Variants in RERE observed in about 807,000 individuals in gnomAD.
RERE encodes arginine-glutamic acid dipeptide repeats.
A neutral mutation model predicts 146.1 loss-of-function variants in RERE; 40 were observed. The observed-to-expected ratio is 0.27, with a 90% confidence interval of 0.21 to 0.36. The LOEUF (loss-of-function observed/expected upper bound fraction) is 0.36. RERE is among the 10% of genes least tolerant of loss of function. The probability of loss-of-function intolerance (pLI) is 1.00; values close to 1 mark genes in which losing one functional copy is unlikely to be tolerated. For missense variants in RERE, 1,933 were observed against 2,138.7 expected (o/e 0.90, Z 1.90); for synonymous variants, 1,003 against 866.0 (o/e 1.16, Z -2.78).
chr1:8,658,012 TG>T (rs769854372), intron 1 of RERE, among the ~76,000 whole-genome samples: 3 of 152,316 alleles, frequency 2.0e-5, no homozygotes, highest in Non-Finnish European at 4.4e-5. Context: ...AGAAAAGTCT[TG>T]AGGTTTTTAA....
chr1:8,358,620 CCGGAGCTCCCGCTCG>C lies in RERE; in HGVS notation c.3900_3914del (p.Leu1304_Glu1308del), dbSNP rs779300628. The stretch of plus-strand genomic sequence containing the variant: ...TCTCCCGCTCTCGGATCTCCCGCTC[CCGGAGCTCCCGCTCG>C]CGGATGGTGGGGTCGACGTTGTAGA... On this transcript the variant is annotated inframe_deletion, in exon 20 of 23. Transcript: ENST00000400908. 1.2e-4 allele frequency: 193 copies of C among 1,591,308 alleles called. No homozygotes were observed. Among genetic ancestry groups the C allele is most frequent in the Non-Finnish European group, 1.3e-4 (151 of 1,169,822 alleles).
chr1:8,518,790 G>A (rs1169882527), intron 7 of RERE, among the ~76,000 whole-genome samples: 5 of 152,108 alleles, frequency 3.3e-5, no homozygotes, highest in Admixed American at 2.0e-4. Context: ...AAAGCCATGC[G>A]AATGTTGTAT....
intron 4 of RERE, among the ~76,000 whole-genome samples, chr1:8,563,667 T>C (rs1169432327): frequency 6.6e-6 from 1 of 152,222 alleles, no homozygotes; most frequent in African/African-American, 2.4e-5. Flanking sequence ...CTCCTGCATA[T>C]ATTTAACTGC....
chr1:8,547,609 AT>A (rs1645880279), intron 6 of RERE, among the ~76,000 whole-genome samples: 3 of 152,218 alleles, frequency 2.0e-5, no homozygotes, highest in Non-Finnish European at 4.4e-5. Context: ...AGAGACAAAA[AT>A]ATCCTTCAAA....
chr1:8,436,431 G>GC (rs1439100066), intron 11 of RERE, among the ~76,000 whole-genome samples: 7 of 152,148 alleles, frequency 4.6e-5, no homozygotes, highest in African/African-American at 9.7e-5. Context: ...CTACATAAAT[G>GC]CCCCTGTAAA....
chr1:8,475,604 C>T (rs1453767453), intron 10 of RERE, among the ~76,000 whole-genome samples: 1 of 151,708 alleles, frequency 6.6e-6, no homozygotes, highest in East Asian at 1.9e-4. Context: ...ATCTCTTGAA[C>T]CCAGGAGGCG....
chr1:8,788,498 G>A (rs1446424170), intron 1 of RERE, among the ~76,000 whole-genome samples: 1 of 151,686 alleles, frequency 6.6e-6, no homozygotes, highest in Non-Finnish European at 1.5e-5. Context: ...CTCAGCAGCT[G>A]GGATTACAGA....
At chr1:8,570,353 A>T (rs1182254147) in intron 4 of RERE, among the ~76,000 whole-genome samples, 1 of 152,044 alleles carries the variant, frequency 6.6e-6, no homozygotes, top group African/African-American at 2.4e-5. Context: ...TAATAAAAAT[A>T]AAAAAATAAA....
chr1:8,665,043 T>C (rs1557467189), intron 1 of RERE, among the ~76,000 whole-genome samples: 1 of 152,122 alleles, frequency 6.6e-6, no homozygotes, highest in Non-Finnish European at 1.5e-5. Flanking sequence ...TGTCTTTCAG[T>C]CTACACCCAG....
At chr1:8,744,769 T>A (rs1264752991) in intron 1 of RERE, among the ~76,000 whole-genome samples, 4 of 152,138 alleles carry the variant, frequency 2.6e-5, no homozygotes, top group Non-Finnish European at 5.9e-5. Context: ...ACAAATAAAA[T>A]ATATGTTCCC....
At chr1:8,439,918 C>CA (rs1440793165) in intron 11 of RERE, among the ~76,000 whole-genome samples, 1 of 151,946 alleles carries the variant, frequency 6.6e-6, no homozygotes, top group African/African-American at 2.4e-5. Context: ...ACTAAAAATA[C>CA]AAAAAATTAG....
intron 1 of RERE, among the ~76,000 whole-genome samples, chr1:8,775,200 C>T (rs1372933042): frequency 6.6e-6 from 1 of 151,868 alleles, no homozygotes; most frequent in Non-Finnish European, 1.5e-5. Flanking sequence ...ACCTTGTGAT[C>T]CACCTGCCTC....
chr1:8,643,959 C>T (rs981484176), intron 2 of RERE, among the ~76,000 whole-genome samples: 1 of 152,228 alleles, frequency 6.6e-6, no homozygotes, highest in African/African-American at 2.4e-5. Context: ...TCTGGTCACA[C>T]TCCTCTTGCC....
intron 1 of RERE, chr1:8,798,766 A>C (rs1216166538): frequency 6.6e-6 from 1 of 151,188 alleles, no homozygotes; most frequent in Non-Finnish European, 1.5e-5. Context: ...ATCTCGGCTC[A>C]CTGCAACCTC....
At chr1:8,551,497 C>T (rs149377236) in intron 6 of RERE, among the ~76,000 whole-genome samples, 9 of 152,170 alleles carry the variant, frequency 5.9e-5, no homozygotes, top group Admixed American at 2.6e-4. Context: ...ATCCCTCCTC[C>T]GCCAACAGGC....
chr1:8,422,362 A>G (rs1403457386), intron 12 of RERE, among the ~76,000 whole-genome samples: 1 of 152,188 alleles, frequency 6.6e-6, no homozygotes, highest in Non-Finnish European at 1.5e-5. Context: ...TCTGCCAATT[A>G]CCAAATTCAA....
intron 12 of RERE, among the ~76,000 whole-genome samples, chr1:8,372,515 T>TGTGTGTGTGTGTGTGTGTGTGTGC (rs1642077699): frequency 6.6e-6 from 1 of 150,726 alleles, no homozygotes; most frequent in Non-Finnish European, 1.5e-5. Flanking sequence ...GTCGTGTGTG[T>TGTGTGTGTGTGTGTGTGTGTGTGC]GTGTGTGTGT....
At chr1:8,552,152 T>C (rs898057020) in intron 6 of RERE, among the ~76,000 whole-genome samples, 1 of 152,254 alleles carries the variant, frequency 6.6e-6, no homozygotes, top group African/African-American at 2.4e-5. Flanking sequence ...AGGAAAAAGC[T>C]ATAATCTCAC....
At chr1:8,401,037 CCATATATATATATAT>C (rs1337486220) in intron 12 of RERE, among the ~76,000 whole-genome samples, 1 of 5,616 alleles carries the variant, frequency 1.8e-4, no homozygotes, top group African/African-American at 3.6e-4. Context: ...AAAAAAAAAA[CCATATATATATATAT>C]ATATATATAT....
Sources: gnomAD v4.1 joint callset for allele counts (sites outside exome capture counted in the v4.1 genomes callset) on GRCh38, gnomAD v4.1.1 for gene constraint, MANE v1.5 for transcripts, NCBI Gene and HGNC (gene_info 2026-07-23, HGNC 2026-07-21) for gene names.